Variants in LHFPL2 observed in about 807,000 individuals in gnomAD.
LHFPL2 encodes the protein LHFPL tetraspan subfamily member 2.
LHFPL2 carries 7 observed loss-of-function variants against 17.5 expected under a neutral mutation model. The observed-to-expected ratio is 0.40, with a 90% CI of 0.23 to 0.75. The LOEUF (loss-of-function observed/expected upper bound fraction) is 0.75. Ranked by LOEUF, LHFPL2 falls within the 30% of genes least tolerant of loss-of-function variation. The pLI, the probability that LHFPL2 is intolerant of heterozygous loss-of-function variation, is 0.37. For missense variants in LHFPL2, 241 were observed against 294.8 expected, an observed-to-expected ratio of 0.82 and a Z score of 1.34; for synonymous variants, 134 against 116.2, an observed-to-expected ratio of 1.15 and a Z score of -0.99.
chr5:78,528,416 A>G (rs527370112), intron 3 of LHFPL2, among the ~76,000 whole-genome samples: 1 of 152,338 alleles, frequency 6.6e-6, no homozygotes, highest in South Asian at 2.1e-4. Flanking sequence ...CTGTGTGTGC[A>G]AAGGATCTAG....
At chr5:78,645,735 A>G (rs1170251004) in intron 1 of LHFPL2, among the ~76,000 whole-genome samples, 1 of 152,076 alleles carries the variant, frequency 6.6e-6, no homozygotes, top group East Asian at 1.9e-4. Flanking sequence ...GATGCATGCC[A>G]CCACACCCGG....
intron 2 of LHFPL2, among the ~76,000 whole-genome samples, chr5:78,570,448 A>G (rs531306491): frequency 6.6e-6 from 1 of 152,104 alleles, no homozygotes; most frequent in Non-Finnish European, 1.5e-5. Flanking sequence ...TGTGTTTCCA[A>G]AACACCAGTG....
chr5:78,546,983 T>C (rs1330961046), intron 3 of LHFPL2, among the ~76,000 whole-genome samples: 1 of 148,356 alleles, frequency 6.7e-6, no homozygotes, highest in Non-Finnish European at 1.5e-5. Context: ...CAGTTCTGCA[T>C]AGGAAACAGA....
chr5:78,488,734 T>C lies in LHFPL2; in HGVS notation c.*163A>G. ...CACTGCAGACCGCATGTCCAGTAAC[T>C]TTGCGTAGCTGGATGTGGCCTCTCA... On this transcript the variant is annotated 3_prime_UTR_variant, in exon 5 of 5. Transcript: ENST00000380345. 1.4e-6 allele frequency: 1 copy of C among 710,018 alleles called. No homozygotes were observed. 44.0% of individuals were successfully genotyped at this position (710,018 alleles called of 1,614,324 possible).
rs1754331075 is a variant in LHFPL2 at position 78,488,638 on chromosome 5, A to C, written c.*259T>G. On this transcript the variant is annotated 3_prime_UTR_variant, in exon 5 of 5. Transcript: ENST00000380345. ...CCTTCATTGAACCTGGGGGAGATGG[A>C]GTCTGACAGAACTTGGCAACTCCAG... 4.2e-6 allele frequency: 2 copies of C among 475,264 alleles called. No individual in the cohort carries two copies. Among genetic ancestry groups the C allele is most frequent in the Admixed American group, 6.7e-5 (2 of 29,998 alleles). 29.4% of individuals were successfully genotyped at this position (475,264 alleles called of 1,614,324 possible).
rs181949834 is a variant in LHFPL2 at position 78,486,088 on chromosome 5, A to C, written c.*2809T>G. 6.6e-6 allele frequency: 1 copy of C among 152,630 alleles called. No homozygotes were observed. Among genetic ancestry groups the C allele is most frequent in the African/African-American group, 2.4e-5 (1 of 41,452 alleles). The allele number at this position is 152,630 out of a possible 1,614,324, so 9.5% of individuals were successfully genotyped here. On this transcript the variant is annotated 3_prime_UTR_variant, in exon 5 of 5. Coordinates refer to ENST00000380345, the MANE Select transcript of LHFPL2 (RefSeq NM_005779.3). Reference sequence around the variant, plus strand: ...ACAAACTTGTGTATGTATAATATACATATATATTTTTAAATATGCTACACA... The same window carrying C: ...ACAAACTTGTGTATGTATAATATACCTATATATTTTTAAATATGCTACACA...
chr5:78,645,547 C>CAT (rs201944654), intron 1 of LHFPL2, among the ~76,000 whole-genome samples: 6,229 of 30,460 alleles, frequency 0.2, 163 homozygotes, highest in Middle Eastern at 0.28. Context: ...GATGCATACA[C>CAT]ACACACACAC....
At chr5:78,593,207 GCAGACACAGTATCTGCAT>G (rs1743706058) in intron 2 of LHFPL2, among the ~76,000 whole-genome samples, 1 of 152,112 alleles carries the variant, frequency 6.6e-6, no homozygotes, top group South Asian at 2.1e-4. Context: ...TTCCCGGGGA[GCAGACACAGTATCTGCAT>G]CAGACACTCC....
intron 1 of LHFPL2, chr5:78,644,812 T>C (rs1745806873): frequency 4.5e-6 from 1 of 222,990 alleles, no homozygotes; most frequent in Admixed American, 4.3e-5. Context: ...TATCACATTT[T>C]ACCTCTCAGC....
intron 2 of LHFPL2, among the ~76,000 whole-genome samples, chr5:78,606,993 GTCCCTGGCA>G (rs1183132555): frequency 4.0e-5 from 6 of 151,762 alleles, no homozygotes; most frequent in Non-Finnish European, 8.8e-5. Context: ...CCCCTTGCAA[GTCCCTGGCA>G]TTCTGATTTG....
In LHFPL2 at chr5:78,491,787, G is replaced by A. The variant is rs1754453262; in HGVS notation, c.431-2634C>T. Among the ~76,000 whole-genome samples, 3 of 152,170 alleles carry A rather than the reference G, an allele frequency of 2.0e-5. No individual in the cohort carries two copies. In the South Asian group the frequency reaches 6.2e-4, roughly 32 times the overall value. The stretch of plus-strand genomic sequence containing the variant: ...GTAACAAAAACTGGAAACAGATGAT[G>A]AGCCTGAACACAGGTCAAAAGCCCT... On this transcript the variant is annotated intron_variant, in intron 4 of 4. Transcript: ENST00000380345.
intron 3 of LHFPL2, among the ~76,000 whole-genome samples, chr5:78,551,884 G>A (rs1756452304): frequency 2.0e-5 from 3 of 152,158 alleles, no homozygotes; most frequent in Admixed American, 6.5e-5. Flanking sequence ...CAGAAGAAAG[G>A]AATGCATGCC....
At chr5:78,542,479 G>A (rs1756142580) in intron 3 of LHFPL2, among the ~76,000 whole-genome samples, 1 of 152,162 alleles carries the variant, frequency 6.6e-6, no homozygotes, top group African/African-American at 2.4e-5. Flanking sequence ...CATCCCGGGG[G>A]CTGGGAGGCT....
At position 78,540,239 on chromosome 5, in the gene LHFPL2, G is replaced by T. The variant is rs1158730895; in HGVS notation, c.-186+24574C>A. Among the ~76,000 whole-genome samples the T allele has an allele frequency of 3.9e-5, 6 of 152,198 alleles. No individual in the cohort carries two copies. In the South Asian group the frequency reaches 6.2e-4, roughly 16 times the overall value. ...TGAACTACGAAATGGAACTCTTCCA[G>T]TTTTCTTTGGTATAATAAATGAAAA... On this transcript the variant is annotated intron_variant, in intron 3 of 4. Coordinates refer to ENST00000380345, the MANE Select transcript of LHFPL2 (RefSeq NM_005779.3).
At chr5:78,548,445 A>G (rs1756349539) in intron 3 of LHFPL2, among the ~76,000 whole-genome samples, 1 of 152,224 alleles carries the variant, frequency 6.6e-6, no homozygotes, top group Non-Finnish European at 1.5e-5. Flanking sequence ...CCCCTGTGAC[A>G]TCTGCTAATC....
intron 4 of LHFPL2, chr5:78,494,606 G>C: frequency 5.7e-6 from 4 of 698,568 alleles, no homozygotes; most frequent in Non-Finnish European, 5.3e-6. Context: ...CCTCCAGCTG[G>C]AGACAGAGCC....
intron 3 of LHFPL2, among the ~76,000 whole-genome samples, chr5:78,536,370 G>A (rs143344587): frequency 2.0e-5 from 3 of 152,288 alleles, no homozygotes; most frequent in Non-Finnish European, 4.4e-5. Flanking sequence ...CTTTGCCTCT[G>A]GGATAAATCT....
intron 3 of LHFPL2, among the ~76,000 whole-genome samples, chr5:78,548,363 C>A (rs1580797458): frequency 6.6e-6 from 1 of 152,348 alleles, no homozygotes; most frequent in African/African-American, 2.4e-5. Flanking sequence ...GCCTGTCCAG[C>A]CTCCGTGGGG....
intron 3 of LHFPL2, among the ~76,000 whole-genome samples, chr5:78,512,312 A>G (rs1320323261): frequency 6.6e-6 from 1 of 151,024 alleles, no homozygotes; most frequent in Non-Finnish European, 1.5e-5. Flanking sequence ...TTTCCCCACT[A>G]CCTAACTCAG....
Sources: gnomAD v4.1 joint callset for allele counts (sites outside exome capture counted in the v4.1 genomes callset) on GRCh38, gnomAD v4.1.1 for gene constraint, MANE v1.5 for transcripts, NCBI Gene and HGNC (gene_info 2026-07-23, HGNC 2026-07-21) for gene names.